The following AFF3 variants were observed in gnomAD, a reference collection of about 807,000 sequenced individuals.
AFF3 encodes AF4/FMR2 family member 3.
In AFF3, 32 loss-of-function variants were observed where a neutral mutation model predicts 129.7. That is an observed-to-expected ratio of 0.25 (90% CI 0.19 to 0.33). The LOEUF is 0.33. Among genes scored for constraint, AFF3 ranks in the 10% least tolerant of loss-of-function variants. The pLI, the probability that AFF3 is intolerant of heterozygous loss-of-function variation, is 1.00. For missense variants in AFF3, 1,373 were observed against 1,592.0 expected (o/e 0.86, Z 2.34); for synonymous variants, 644 against 635.4 (o/e 1.01, Z -0.20).
intron 18 of AFF3, among the ~76,000 whole-genome samples, chr2:99,570,589 C>T (rs1318211182): frequency 1.3e-5 from 2 of 152,152 alleles, no homozygotes; most frequent in Admixed American, 6.5e-5. Context: ...CCACCTGCCT[C>T]GGCCTCCCAA....
At position 99,548,209 on chromosome 2, in the gene AFF3, G is replaced by T. The variant is rs1446912774; in HGVS notation, c.*3265C>A. 1 of 196,398 alleles carries T rather than the reference G, an allele frequency of 5.1e-6. No homozygotes were observed. The highest frequency in any genetic ancestry group is 1.1e-5 in the Non-Finnish European group (1 of 94,496). 12.2% of individuals were successfully genotyped at this position (196,398 alleles called of 1,614,324 possible). ...TGGAAGGATATGGTCAGTTGAACTT[G>T]TGTTGAACTTTGGAGGCAAATGTAC... On this transcript the variant is annotated 3_prime_UTR_variant, in exon 25 of 25. Transcript: ENST00000672756.
At chr2:100,027,692 A>G (rs1198767795) in intron 4 of AFF3, among the ~76,000 whole-genome samples, 3 of 152,198 alleles carry the variant, frequency 2.0e-5, no homozygotes, top group Non-Finnish European at 4.4e-5. Flanking sequence ...TTTGATAAAC[A>G]AGTTATTATT....
chr2:100,028,030 T>G (rs1684186357), intron 4 of AFF3, among the ~76,000 whole-genome samples: 1 of 152,218 alleles, frequency 6.6e-6, no homozygotes, highest in African/African-American at 2.4e-5. Flanking sequence ...GATAAATATC[T>G]GAAAACTGCA....
intron 16 of AFF3, 85 bp from the exon 17 acceptor site, chr2:99,583,084 C>T (rs893003484): frequency 3.8e-5 from 48 of 1,257,098 alleles, no homozygotes; most frequent in Non-Finnish European, 5.1e-5. Flanking sequence ...AACCACCCAA[C>T]TGGGACCTGT....
intron 7 of AFF3, among the ~76,000 whole-genome samples, chr2:99,974,218 A>AATT (rs1333044969): frequency 6.6e-6 from 1 of 152,190 alleles, no homozygotes; most frequent in African/African-American, 2.4e-5. Context: ...TTTTTTAATT[A>AATT]AGTGAATCTC....
chr2:99,961,943 C>A (rs986987377), intron 7 of AFF3, among the ~76,000 whole-genome samples: 1 of 152,164 alleles, frequency 6.6e-6, no homozygotes, highest in Non-Finnish European at 1.5e-5. Flanking sequence ...ACTCTCCTAC[C>A]TCTCTAGGCC....
chr2:99,907,550 T>A (rs1281768195), intron 7 of AFF3, among the ~76,000 whole-genome samples: 1 of 152,050 alleles, frequency 6.6e-6, no homozygotes, highest in Non-Finnish European at 1.5e-5. Flanking sequence ...TTCTTTTTTT[T>A]TTTTTCTCAT....
At chr2:99,984,257 A>G (rs542187347) in intron 7 of AFF3, among the ~76,000 whole-genome samples, 15 of 152,352 alleles carry the variant, frequency 9.8e-5, no homozygotes, top group Admixed American at 9.1e-4. Context: ...GTAGGTATCA[A>G]TTGCTTCCAG....
At chr2:99,838,791 G>C (rs1689090372) in intron 7 of AFF3, among the ~76,000 whole-genome samples, 1 of 152,190 alleles carries the variant, frequency 6.6e-6, no homozygotes, top group African/African-American at 2.4e-5. Flanking sequence ...GGGGCATGAG[G>C]CTCATCAGAA....
At chr2:99,618,933 G>A (rs1416571869) in intron 13 of AFF3, among the ~76,000 whole-genome samples, 1 of 106,544 alleles carries the variant, frequency 9.4e-6, no homozygotes, top group Non-Finnish European at 2.0e-5. Context: ...TTCATTCAGA[G>A]ACAGGGGCTT....
chr2:100,026,079 C>A (rs553894758), intron 4 of AFF3, among the ~76,000 whole-genome samples: 1 of 152,082 alleles, frequency 6.6e-6, no homozygotes, highest in African/African-American at 2.4e-5. Flanking sequence ...AGCTTTTGCA[C>A]GGCAAAAGGA....
At chr2:100,002,747 A>G (rs1681542598) in intron 7 of AFF3, among the ~76,000 whole-genome samples, 1 of 152,166 alleles carries the variant, frequency 6.6e-6, no homozygotes, top group African/African-American at 2.4e-5. Flanking sequence ...GTTTCAAACT[A>G]TCACTACTTA....
At chr2:99,861,561 A>C (rs1691001831) in intron 7 of AFF3, among the ~76,000 whole-genome samples, 2 of 152,196 alleles carry the variant, frequency 1.3e-5, no homozygotes, top group Admixed American at 1.3e-4. Context: ...ATTCTTCTGA[A>C]ATTCTGGAGT....
rs201347153 is a variant in AFF3, at chr2:99,554,716, G to A, written c.3302C>T (p.Ala1101Val). 2.4e-5 allele frequency: 38 copies of A among 1,614,236 alleles called. No individual in the cohort carries two copies. In the East Asian group the frequency reaches 8.0e-4, roughly 34 times the overall value. The change falls in exon 23 of 25, where the codon GCC (alanine) becomes GTC (valine). Residue 1101 changes from alanine to valine, a missense_variant. Physicochemically the swap from Ala to Val is moderately conservative, Grantham distance 64. Around this residue, in one of 9 missense-constraint regions of AFF3, gnomAD observed 165 missense variants for 234.0 expected, o/e 0.71. Transcript: ENST00000672756. ...GGCCCCCCACGGAGATGGGGCTTGG[G>A]CGGCTTTAGATGAGTTCTGCAAGAA... ...IDYFKNSSKA[A>V]QAPSPWGASG...
intron 2 of AFF3, among the ~76,000 whole-genome samples, chr2:100,119,184 T>C (rs1424954862): frequency 1.3e-5 from 2 of 152,234 alleles, no homozygotes; most frequent in Non-Finnish European, 2.9e-5. Flanking sequence ...GTGTCTCAGT[T>C]TCTACAATTG....
chr2:99,556,059 C>T (rs530469470), intron 22 of AFF3, among the ~76,000 whole-genome samples: 52 of 152,216 alleles, frequency 3.4e-4, no homozygotes, highest in African/African-American at 1.2e-3. Flanking sequence ...GTTCTGAGAA[C>T]GTGATCTATA....
At chr2:99,939,939 C>T (rs1344672234) in intron 7 of AFF3, among the ~76,000 whole-genome samples, 2 of 151,940 alleles carry the variant, frequency 1.3e-5, no homozygotes, top group Admixed American at 6.6e-5. Context: ...TCTGGTGGGG[C>T]CTATATAGCT....
chr2:99,980,305 A>AC (rs1298991889), intron 7 of AFF3, among the ~76,000 whole-genome samples: 2 of 152,220 alleles, frequency 1.3e-5, no homozygotes, highest in Non-Finnish European at 2.9e-5. Flanking sequence ...ATGAGTCCTC[A>AC]GAGACGTGGT....
intron 1 of AFF3, among the ~76,000 whole-genome samples, chr2:100,137,552 CACACACAG>C (rs70940196): frequency 0.2 from 29,593 of 149,760 alleles, 3,546 homozygotes; most frequent in East Asian, 0.49. Flanking sequence ...CACACACACA[CACACACAG>C]ACACACAGAG....
Sources: allele counts gnomAD v4.1 joint callset (sites outside exome capture counted in the v4.1 genomes callset), GRCh38; gene constraint gnomAD v4.1.1; regional missense constraint gnomAD v4.1.1; transcripts MANE v1.5; gene names NCBI Gene and HGNC (gene_info 2026-07-23, HGNC 2026-07-21).